Variants in PDGFC observed in about 807,000 individuals in gnomAD.
The protein encoded by PDGFC is platelet-derived growth factor C.
Under a neutral mutation model 35.5 loss-of-function variants are expected in PDGFC, and 12 were observed. That is an observed-to-expected ratio of 0.34 (90% CI 0.22 to 0.55). PDGFC has a LOEUF of 0.55. Ranked by LOEUF, PDGFC falls within the 20% of genes least tolerant of loss-of-function variation. PDGFC has a pLI of 0.91. For synonymous variants in PDGFC, 159 were observed against 148.8 expected (o/e 1.07, Z -0.50); for missense variants, 322 against 412.4 (o/e 0.78, Z 1.90).
rs909695742 is a variant in PDGFC at position 156,930,078 on chromosome 4, C to T, written c.118+40708G>A. On this transcript the variant is annotated intron_variant, in intron 1 of 5. Coordinates refer to ENST00000502773, the MANE Select transcript of PDGFC (RefSeq NM_016205.3). Reference sequence around the variant, plus strand: ...CATTAGACTTACATGTTTCTAACTTCTTAAAAGCATACTTTAATTTTCATC... The same window carrying T: ...CATTAGACTTACATGTTTCTAACTTTTTAAAAGCATACTTTAATTTTCATC... Among the ~76,000 whole-genome samples the T allele has an allele frequency of 6.6e-5, 10 of 152,214 alleles. 1 individual carries two copies. Among genetic ancestry groups the T allele is most frequent in the African/African-American group, 2.4e-4 (10 of 41,462 alleles).
chr4:156,770,729 AT>A (rs1175083407), intron 4 of PDGFC: 3 of 152,134 alleles, frequency 2.0e-5, no homozygotes, highest in Non-Finnish European at 4.4e-5. Context: ...TTATTTTTAA[AT>A]GCAAATGTCA....
intron 1 of PDGFC, among the ~76,000 whole-genome samples, chr4:156,895,034 A>C (rs1044418663): frequency 2.0e-5 from 3 of 152,200 alleles, no homozygotes; most frequent in African/African-American, 7.2e-5. Context: ...AGTAGAAATT[A>C]TTTGAGTTCA....
chr4:156,865,423 G>T (rs951239387), intron 1 of PDGFC, among the ~76,000 whole-genome samples: 1 of 152,030 alleles, frequency 6.6e-6, no homozygotes, highest in Admixed American at 6.6e-5. Flanking sequence ...CTTTTTATCA[G>T]AAAATGTATA....
intron 1 of PDGFC, among the ~76,000 whole-genome samples, chr4:156,899,322 T>A (rs1579086259): frequency 6.6e-6 from 1 of 152,160 alleles, no homozygotes; most frequent in Non-Finnish European, 1.5e-5. Context: ...TTAGACCATT[T>A]TATAGCAGGG....
Position 156,841,068 on chromosome 4 carries a change from C to T in PDGFC, c.314+9153G>A, listed in dbSNP as rs1218602052. Among the ~76,000 whole-genome samples the T allele has an allele frequency of 3.4e-5, 5 of 148,056 alleles. No individual in the cohort carries two copies. In the Admixed American group the frequency reaches 3.4e-4, roughly 10 times the overall value. On this transcript the variant is annotated intron_variant, in intron 2 of 5. Transcript: ENST00000502773. ...TTGGACTTGGACTTTTGGGTTAATA[C>T]TTGAAAGAGTTAAGATTTTGGGGGA...
chr4:156,885,712 G>A (rs538612269), intron 1 of PDGFC, among the ~76,000 whole-genome samples: 61 of 151,970 alleles, frequency 4.0e-4, no homozygotes, highest in South Asian at 1.0e-3. Flanking sequence ...GCAACACAGC[G>A]AGACTCCACC....
At chr4:156,813,572 A>G (rs1410084449) in intron 2 of PDGFC, among the ~76,000 whole-genome samples, 6 of 152,110 alleles carry the variant, frequency 3.9e-5, no homozygotes, top group African/African-American at 1.4e-4. Context: ...AAGAAGTACA[A>G]TACATAAGAT....
At chr4:156,843,493 C>T (rs938295528) in intron 2 of PDGFC, among the ~76,000 whole-genome samples, 2 of 152,210 alleles carry the variant, frequency 1.3e-5, no homozygotes, top group African/African-American at 4.8e-5. Flanking sequence ...ATCTGCTTCC[C>T]CTTCCCCTTG....
intron 1 of PDGFC, among the ~76,000 whole-genome samples, chr4:156,956,504 A>G (rs555790651): frequency 7.2e-5 from 11 of 152,136 alleles, no homozygotes; most frequent in Middle Eastern, 3.4e-3. Context: ...CTCTATTATA[A>G]GAAGATTATC....
chr4:156,774,766 G>A (rs1193352369), intron 3 of PDGFC, among the ~76,000 whole-genome samples: 1 of 149,972 alleles, frequency 6.7e-6, no homozygotes, highest in African/African-American at 2.5e-5. Flanking sequence ...CTCCTTCCTT[G>A]CCTGGATTAC....
At chr4:156,808,875 T>C (rs1049034603) in intron 3 of PDGFC, among the ~76,000 whole-genome samples, 34 of 152,160 alleles carry the variant, frequency 2.2e-4, no homozygotes, top group African/African-American at 6.7e-4. Context: ...GGCAGGTTAA[T>C]TGTCAACGTA....
chr4:156,875,995 T>C (rs957252771), intron 1 of PDGFC, among the ~76,000 whole-genome samples: 4 of 152,154 alleles, frequency 2.6e-5, no homozygotes, highest in African/African-American at 9.7e-5. Flanking sequence ...GAGAAGTTAA[T>C]AGAGTACACA....
At chr4:156,836,647 T>A (rs1729070250) in intron 2 of PDGFC, among the ~76,000 whole-genome samples, 1 of 152,182 alleles carries the variant, frequency 6.6e-6, no homozygotes, top group Non-Finnish European at 1.5e-5. Context: ...AAGGTGTAAG[T>A]ATGACCTACA....
chr4:156,842,275 G>A (rs1445402658), intron 2 of PDGFC: 1 of 151,916 alleles, frequency 6.6e-6, no homozygotes, highest in African/African-American at 2.4e-5. Context: ...TTGCACACAA[G>A]TGCACAGGCA....
chr4:156,808,646 G>C (rs547517856), intron 3 of PDGFC, among the ~76,000 whole-genome samples: 1 of 152,042 alleles, frequency 6.6e-6, no homozygotes, highest in East Asian at 1.9e-4. Context: ...AGCAAAGTGT[G>C]GGGGGTGGAG....
At chr4:156,782,365 G>A (rs1396885530) in intron 3 of PDGFC, among the ~76,000 whole-genome samples, 6 of 152,102 alleles carry the variant, frequency 3.9e-5, no homozygotes, top group Admixed American at 2.6e-4. Context: ...TTTCAACTCT[G>A]AGGCCCACCA....
chr4:156,794,031 A>G (rs1359396034), intron 3 of PDGFC, among the ~76,000 whole-genome samples: 1 of 152,184 alleles, frequency 6.6e-6, no homozygotes, highest in Admixed American at 6.5e-5. Flanking sequence ...TACTGTTAAC[A>G]TGGATGATAT....
At position 156,772,907 on chromosome 4, in the gene PDGFC, G is replaced by T. The variant is rs751074672; in HGVS notation, c.496-14C>A. The T allele has an allele frequency of 1.3e-6, 2 of 1,580,888 alleles. No individual in the cohort carries two copies. Among genetic ancestry groups the T allele is most frequent in the African/African-American group, 1.3e-5 (1 of 74,158 alleles). On this transcript the variant is annotated splice_polypyrimidine_tract_variant and intron_variant, in intron 3 of 5. Transcript: ENST00000502773. The stretch of plus-strand genomic sequence containing the variant: ...TTCTGTGAATTGCTGAAAGTAAAAT[G>T]AATCCTGTGTTAACTGTTTTAAAAA...
chr4:156,763,211 A>G lies in PDGFC; in HGVS notation c.922-5T>C. 1 of 1,464,006 alleles carries G rather than the reference A, an allele frequency of 6.8e-7. No individual in the cohort carries two copies. Among genetic ancestry groups the G allele is most frequent in the Non-Finnish European group, 9.6e-7 (1 of 1,042,772 alleles). 90.7% of individuals were successfully genotyped at this position (1,464,006 alleles called of 1,614,324 possible). On this transcript the variant is annotated splice_polypyrimidine_tract_variant and splice_region_variant and intron_variant, in intron 5 of 5. Transcript: ENST00000502773. Reference sequence around the variant, plus strand: ...CTTTGGTCTCAACTGAAGGACCTGAAAGGGAATAAGAGTAAGCCACTTTTA... The same window carrying G: ...CTTTGGTCTCAACTGAAGGACCTGAGAGGGAATAAGAGTAAGCCACTTTTA...
Sources: gnomAD v4.1 joint callset for allele counts (sites outside exome capture counted in the v4.1 genomes callset) on GRCh38, gnomAD v4.1.1 for gene constraint, MANE v1.5 for transcripts, NCBI Gene and HGNC (gene_info 2026-07-23, HGNC 2026-07-21) for gene names.